PLAA: variants seen among roughly 807,000 people sequenced by gnomAD.
PLAA encodes the protein phospholipase A2 activating protein.
PLAA carries 48 observed loss-of-function variants against 84.1 expected under a neutral mutation model. The ratio of observed to expected loss-of-function variants is 0.57; its 90% CI spans 0.45 to 0.73. PLAA has a LOEUF of 0.73. Among genes scored for constraint, PLAA ranks in the 30% least tolerant of loss-of-function variants. The probability of loss-of-function intolerance (pLI) is 0.00; values close to 1 mark genes in which losing one functional copy is unlikely to be tolerated. For missense variants in PLAA, 903 were observed against 954.7 expected, an observed-to-expected ratio of 0.95 and a Z score of 0.71; for synonymous variants, 392 against 336.6, an observed-to-expected ratio of 1.16 and a Z score of -1.80.
intron 4 of PLAA, among the ~76,000 whole-genome samples, chr9:26,927,031 G>A (rs1824991786): frequency 6.6e-6 from 1 of 151,910 alleles, no homozygotes; most frequent in Admixed American, 6.6e-5. Context: ...GATTAATAAT[G>A]ACTTGATACA....
chr9:26,908,106 T>G, intron 12 of PLAA, 108 bp from the exon 13 acceptor site: 2 of 715,820 alleles, frequency 2.8e-6, no homozygotes, highest in South Asian at 4.5e-5. Context: ...CATGGGGAGT[T>G]AAGACTTTAC....
At chr9:26,930,230 G>A (rs144155183) in intron 2 of PLAA, among the ~76,000 whole-genome samples, 10,154 of 150,648 alleles carry the variant, frequency 0.067, 448 homozygotes, top group African/African-American at 0.13. Context: ...TCAGCCTCCC[G>A]AGTGGCTGGG....
chr9:26,926,039 G>C, intron 5 of PLAA, 79 bp from the exon 6 acceptor site: 1 of 1,177,698 alleles, frequency 8.5e-7, no homozygotes, highest in East Asian at 2.5e-5. Context: ...TAGATACACT[G>C]ACTTTTTGAA....
At position 26,905,983 on chromosome 9, in the gene PLAA, A is replaced by T; in HGVS notation, c.1916T>A (p.Phe639Tyr). ...CAGAAGATTGATAAGATGACTGCTG[A>T]ACTGAGCCCCTTCCTTTTCATTGCA... ...NFCNEKEGAQ[F>Y]SSHLINLLNP... is the part of the protein sequence containing the mutation. Residue 639 changes from phenylalanine (F) to tyrosine (Y), a missense_variant, in exon 14 of 14, where the codon TTC becomes TAC. Phe to Tyr is a conservative substitution (Grantham distance 22, BLOSUM62 3). Coordinates refer to ENST00000397292, the MANE Select transcript of PLAA (RefSeq NM_001031689.3). 1 of 1,614,060 alleles carries T rather than the reference A, an allele frequency of 6.2e-7. No individual in the cohort carries two copies. Among genetic ancestry groups the T allele is most frequent in the South Asian group, 1.1e-5 (1 of 91,082 alleles).
chr9:26,942,780 G>A (rs1306706296), intron 1 of PLAA, among the ~76,000 whole-genome samples: 2 of 151,124 alleles, frequency 1.3e-5, no homozygotes, highest in East Asian at 4.0e-4. Context: ...TACTCGGGAG[G>A]CTAAGGCAGA....
At chr9:26,943,771 A>T (rs1310540163) in intron 1 of PLAA, among the ~76,000 whole-genome samples, 1 of 151,998 alleles carries the variant, frequency 6.6e-6, no homozygotes, top group Non-Finnish European at 1.5e-5. Flanking sequence ...ATCTAGTAAG[A>T]CGCTCATCTC....
chr9:26,943,213 A>G (rs1825594896), intron 1 of PLAA, among the ~76,000 whole-genome samples: 1 of 152,196 alleles, frequency 6.6e-6, no homozygotes, highest in African/African-American at 2.4e-5. Flanking sequence ...AAACAATGGC[A>G]TGTTGCTGGC....
At position 26,923,256 on chromosome 9, in the gene PLAA, T is replaced by C; in HGVS notation, c.961A>G (p.Thr321Ala). 6.2e-7 allele frequency: 1 copy of C among 1,613,952 alleles called. No homozygotes were observed. Among genetic ancestry groups the C allele is most frequent in the East Asian group, 2.2e-5 (1 of 44,868 alleles). The stretch of plus-strand genomic sequence containing the variant: ...AAATCGCCAGTTTTAGAATCAATGG[T>C]TGCGTGAGACAGTTCTTTTTCAAAA... ...KAFEKELSHATIDSKTGDLGD... is the reference protein window; with the variant it reads ...KAFEKELSHAAIDSKTGDLGD... The change falls in exon 7 of 14, where the codon ACC becomes GCC. Residue 321 changes from threonine (T) to alanine (A), a missense_variant. Transcript: ENST00000397292.
At chr9:26,928,457 T>C (rs1258917105) in intron 2 of PLAA, 49 bp from the exon 3 acceptor site, 1 of 1,275,414 alleles carries the variant, frequency 7.8e-7, no homozygotes, top group African/African-American at 1.5e-5. Flanking sequence ...AGAAAAATGC[T>C]CAACATTGAA....
intron 1 of PLAA, among the ~76,000 whole-genome samples, chr9:26,941,793 T>C (rs1208456829): frequency 6.7e-6 from 1 of 148,422 alleles, no homozygotes; most frequent in Non-Finnish European, 1.5e-5. Flanking sequence ...AGAAAGCAAG[T>C]TCAATATCTG....
chr9:26,941,766 A>AC (rs1175074291), intron 1 of PLAA, among the ~76,000 whole-genome samples: 2 of 152,120 alleles, frequency 1.3e-5, no homozygotes, highest in Non-Finnish European at 2.9e-5. Context: ...CAAGAAAAAA[A>AC]AAAAAGAGAG....
rs909143417 is a variant in PLAA, at chr9:26,928,314, G to A, written c.438C>T (p.Thr146=). 1.2e-5 allele frequency: 19 copies of A among 1,613,710 alleles called. No homozygotes were observed. The highest frequency in any genetic ancestry group is 5.3e-5 in the African/African-American group (4 of 74,902). ...TTACACAGAACTACTGTACCTGCAA[G>A]GTCATCATGCACTTGTCATTCAGCC... ...KVWLNDKCMM[T]LQGHTAAVWA... Residue 146 remains threonine (T), a synonymous_variant, in exon 3 of 14, where the codon ACC becomes ACT. Coordinates refer to ENST00000397292, the MANE Select transcript of PLAA (RefSeq NM_001031689.3).
At chr9:26,920,408 C>T in intron 7 of PLAA, 24 bp from the exon 8 acceptor site, 1 of 1,519,130 alleles carries the variant, frequency 6.6e-7, no homozygotes, top group South Asian at 1.3e-5. Context: ...TTTTAAGAAT[C>T]AAAGGTAGAA....
chr9:26,947,152 G>C lies in PLAA; in HGVS notation c.-107C>G. 6.1e-6 allele frequency: 8 copies of C among 1,319,650 alleles called. No homozygotes were observed. The highest frequency in any genetic ancestry group is 1.5e-5 in the African/African-American group (1 of 64,612). The allele number at this position is 1,319,650 out of a possible 1,614,324, so 81.7% of individuals were successfully genotyped here. The stretch of plus-strand genomic sequence containing the variant: ...GGCGGGAGAAGAGCCTGCAGGTAAG[G>C]GGCGGCCGGAGACCGGAAGAGCCCG... On this transcript the variant is annotated 5_prime_UTR_variant, in exon 1 of 14. Transcript: ENST00000397292.
intron 9 of PLAA, among the ~76,000 whole-genome samples, chr9:26,918,648 T>C (rs1165670368): frequency 1.3e-5 from 2 of 152,144 alleles, no homozygotes; most frequent in Non-Finnish European, 2.9e-5. Context: ...TCAGAAATGA[T>C]GAGAGGAAAA....
Position 26,947,240 on chromosome 9 carries a change from C to T in PLAA, c.-195G>A. 1.7e-6 allele frequency: 1 copy of T among 586,464 alleles called. No homozygotes were observed. The highest frequency in any genetic ancestry group is 2.0e-5 in the African/African-American group (1 of 50,716). The allele number at this position is 586,464 out of a possible 1,614,324, so 36.3% of individuals were successfully genotyped here. On this transcript the variant is annotated 5_prime_UTR_variant, in exon 1 of 14. Coordinates refer to ENST00000397292, the MANE Select transcript of PLAA (RefSeq NM_001031689.3). ...CGAGCGGGCCGAGTGACACAGCAAGCCTGACAGGCACTCCGGAATTCATCA... is the reference window on the plus strand; with the variant it reads ...CGAGCGGGCCGAGTGACACAGCAAGTCTGACAGGCACTCCGGAATTCATCA...
intron 1 of PLAA, among the ~76,000 whole-genome samples, chr9:26,945,224 C>T (rs1466538204): frequency 3.3e-5 from 5 of 152,152 alleles, no homozygotes; most frequent in African/African-American, 1.2e-4. Flanking sequence ...GTAAGCACAA[C>T]CACTCCAGTG....
chr9:26,918,556 T>A (rs1824650789), intron 9 of PLAA, among the ~76,000 whole-genome samples: 1 of 152,136 alleles, frequency 6.6e-6, no homozygotes, highest in Admixed American at 6.5e-5. Context: ...AAAAGGTGGA[T>A]CTACATAAGG....
intron 9 of PLAA, 117 bp downstream of exon 9, chr9:26,919,193 C>G: frequency 1.8e-6 from 1 of 557,070 alleles, no homozygotes; most frequent in South Asian, 3.1e-5. Context: ...GAAGTAAAAC[C>G]CTGCTGTAGA....
Sources: allele counts gnomAD v4.1 joint callset (sites outside exome capture counted in the v4.1 genomes callset), GRCh38; gene constraint gnomAD v4.1.1; transcripts MANE v1.5; gene names NCBI Gene and HGNC (gene_info 2026-07-23, HGNC 2026-07-21).